The following B4GALT5 variants were observed in gnomAD, a reference collection of about 807,000 sequenced individuals.
The protein encoded by B4GALT5 is beta-1,4-galactosyltransferase 5, also known as UDP-Gal:beta-GlcNAc beta-1,4-galactosyltransferase 5.
A neutral mutation model predicts 45.0 loss-of-function variants in B4GALT5; 11 were observed. The observed-to-expected ratio is 0.24, with a 90% CI of 0.15 to 0.40. The LOEUF (loss-of-function observed/expected upper bound fraction) is 0.40, where lower values mean the gene tolerates loss of function less well. B4GALT5 is among the 10% of genes least tolerant of loss of function. The pLI, the probability that B4GALT5 is intolerant of heterozygous loss-of-function variation, is 1.00. For missense variants in B4GALT5, 337 were observed against 500.2 expected (o/e 0.67, Z 3.11); for synonymous variants, 185 against 182.9 (o/e 1.01, Z -0.09).
At chr20:49,709,623 T>C (rs1272037201) in intron 1 of B4GALT5, among the ~76,000 whole-genome samples, 2 of 151,938 alleles carry the variant, frequency 1.3e-5, no homozygotes, top group Non-Finnish European at 2.9e-5. Flanking sequence ...AATACAAAAA[T>C]TAGCCAGTGG....
chr20:49,636,025 T>G lies in B4GALT5; in HGVS notation c.*287A>C. 2.6e-6 allele frequency: 1 copy of G among 386,352 alleles called. No homozygotes were observed. 23.9% of individuals were successfully genotyped at this position (386,352 alleles called of 1,614,324 possible). On this transcript the variant is annotated 3_prime_UTR_variant, in exon 9 of 9. Transcript: ENST00000371711. The stretch of plus-strand genomic sequence containing the variant: ...TGGAGACTGCGGCTAAGACAGGATG[T>G]GGGGTAGGAGATGGGGAGAGAGCAG...
chr20:49,660,843 T>C (rs1568721637), intron 1 of B4GALT5, among the ~76,000 whole-genome samples: 2 of 152,190 alleles, frequency 1.3e-5, no homozygotes, highest in Admixed American at 1.3e-4. Context: ...TTAAAAATAC[T>C]AGCCGAGTGT....
At chr20:49,709,991 G>A (rs1392631848) in intron 1 of B4GALT5, among the ~76,000 whole-genome samples, 1 of 152,154 alleles carries the variant, frequency 6.6e-6, no homozygotes, top group Non-Finnish European at 1.5e-5. Flanking sequence ...TAGAATACGG[G>A]TCACCCACAT....
chr20:49,660,028 A>G lies in B4GALT5; in HGVS notation c.116-3326T>C, dbSNP rs139202334. 8.0e-4 allele frequency among the ~76,000 whole-genome samples: 122 copies of G among 151,588 alleles called. 1 individual carries two copies. Among genetic ancestry groups the G allele is most frequent in the African/African-American group, 2.1e-3 (88 of 41,308 alleles). On this transcript the variant is annotated intron_variant, in intron 1 of 8. Coordinates refer to ENST00000371711, the MANE Select transcript of B4GALT5 (RefSeq NM_004776.4). Reference sequence around the variant, plus strand: ...ACTTTTGCCCACTGGTTCTCTCTCAACCTTCCCCAGACACCCTCTCCCACT... The same window carrying G: ...ACTTTTGCCCACTGGTTCTCTCTCAGCCTTCCCCAGACACCCTCTCCCACT...
chr20:49,661,604 TA>T (rs985412725), intron 1 of B4GALT5, among the ~76,000 whole-genome samples: 1 of 151,902 alleles, frequency 6.6e-6, no homozygotes, highest in African/African-American at 2.4e-5. Context: ...GAATCACAGT[TA>T]AAAAAAACAA....
At chr20:49,655,484 G>A (rs907062957) in intron 2 of B4GALT5, among the ~76,000 whole-genome samples, 2 of 152,094 alleles carry the variant, frequency 1.3e-5, no homozygotes, top group African/African-American at 4.8e-5. Flanking sequence ...TTACAGAAAT[G>A]AGGCGAATCA....
At chr20:49,709,840 T>C (rs2085900391) in intron 1 of B4GALT5, among the ~76,000 whole-genome samples, 1 of 152,224 alleles carries the variant, frequency 6.6e-6, no homozygotes, top group African/African-American at 2.4e-5. Context: ...ATTATTATAG[T>C]AGCTGAGGGC....
intron 1 of B4GALT5, among the ~76,000 whole-genome samples, chr20:49,686,700 G>T (rs1258992302): frequency 4.8e-5 from 6 of 124,924 alleles, no homozygotes; most frequent in South Asian, 2.6e-4. Context: ...ATGTTGCATA[G>T]GCAACATAGC....
intron 1 of B4GALT5, among the ~76,000 whole-genome samples, chr20:49,669,015 CCACAT>C (rs1276182698): frequency 6.6e-6 from 1 of 151,660 alleles, no homozygotes; most frequent in Non-Finnish European, 1.5e-5. Context: ...GCGTACACCA[CCACAT>C]CTGGTGAATT....
At chr20:49,707,309 TAAG>T (rs113159369) in intron 1 of B4GALT5, among the ~76,000 whole-genome samples, 25 of 152,004 alleles carry the variant, frequency 1.6e-4, no homozygotes, top group African/African-American at 3.1e-4. Context: ...GGCTTCCTCC[TAAG>T]AAGAAGGGAC....
intron 1 of B4GALT5, among the ~76,000 whole-genome samples, chr20:49,678,751 C>G (rs2146347809): frequency 2.0e-5 from 3 of 152,130 alleles, no homozygotes; most frequent in Middle Eastern, 6.8e-3. Context: ...TATTAGTACT[C>G]TCATAGAAAA....
chr20:49,636,837 C>T (rs892282206), intron 8 of B4GALT5, among the ~76,000 whole-genome samples: 3 of 152,066 alleles, frequency 2.0e-5, no homozygotes, highest in Middle Eastern at 3.4e-3. Flanking sequence ...CCATTTTACT[C>T]CCATGAAAAC....
In B4GALT5 at chr20:49,667,065, G is replaced by A. The variant is rs142849563; in HGVS notation, c.116-10363C>T. On this transcript the variant is annotated intron_variant, in intron 1 of 8. Transcript: ENST00000371711. The stretch of plus-strand genomic sequence containing the variant: ...ATGAAAAAAACTCAGGTCTGAATAC[G>A]CAATCTGACCATGTGGAGCCAAGAT... Among the ~76,000 whole-genome samples the A allele has an allele frequency of 3.0e-3, 454 of 152,184 alleles. 1 individual carries two copies. Among genetic ancestry groups the A allele is most frequent in the Middle Eastern group, 0.01 (3 of 294 alleles).
chr20:49,661,498 G>A (rs1210171904), intron 1 of B4GALT5, among the ~76,000 whole-genome samples: 1 of 152,224 alleles, frequency 6.6e-6, no homozygotes, highest in Non-Finnish European at 1.5e-5. Context: ...GCCTCCCAAA[G>A]TGTTGGGATT....
intron 1 of B4GALT5, among the ~76,000 whole-genome samples, chr20:49,686,149 ATTATT>A (rs906680151): frequency 3.1e-4 from 47 of 152,220 alleles, no homozygotes; most frequent in African/African-American, 1.1e-3. Context: ...AACAGCTTAA[ATTATT>A]TTTGGTAGTG....
intron 2 of B4GALT5, among the ~76,000 whole-genome samples, chr20:49,653,465 C>T (rs1023319480): frequency 2.0e-5 from 3 of 152,154 alleles, no homozygotes; most frequent in South Asian, 2.1e-4. Flanking sequence ...TTCCTATGTG[C>T]GAGGCAGTGT....
intron 1 of B4GALT5, among the ~76,000 whole-genome samples, chr20:49,657,690 G>A (rs1432533591): frequency 6.6e-6 from 1 of 152,134 alleles, no homozygotes; most frequent in African/African-American, 2.4e-5. Context: ...GGCTAACCTC[G>A]GGACCAGGCC....
chr20:49,683,693 A>T (rs1385917453), intron 1 of B4GALT5, among the ~76,000 whole-genome samples: 1 of 151,782 alleles, frequency 6.6e-6, no homozygotes, highest in African/African-American at 2.4e-5. Flanking sequence ...TACAGGCATG[A>T]GCCACTGCGC....
At chr20:49,673,607 G>C (rs2085724842) in intron 1 of B4GALT5, among the ~76,000 whole-genome samples, 1 of 152,124 alleles carries the variant, frequency 6.6e-6, no homozygotes, top group Non-Finnish European at 1.5e-5. Context: ...CACTGGATGA[G>C]GACTGGATAT....
Sources: gnomAD v4.1 joint callset for allele counts (sites outside exome capture counted in the v4.1 genomes callset) on GRCh38, gnomAD v4.1.1 for gene constraint, MANE v1.5 for transcripts, NCBI Gene and HGNC (gene_info 2026-07-23, HGNC 2026-07-21) for gene names.